The following TOP6BL variants were observed in gnomAD, a reference collection of about 807,000 sequenced individuals.
TOP6BL encodes TOP6B like initiator of meiotic double strand breaks, also known as type 2 DNA topoisomerase 6 subunit B-like.
the TOP6BL span, among the ~76,000 whole-genome samples, chr11:66,795,288 C>T: frequency 7.4e-4 from 111 of 150,874 alleles, no homozygotes; most frequent in Non-Finnish European, 1.5e-3. Context: ...GTATAATATA[C>T]ACTTTCTTTC....
chr11:66,771,082 C>T, the TOP6BL span, among the ~76,000 whole-genome samples: 1 of 151,648 alleles, frequency 6.6e-6, no homozygotes, highest in Non-Finnish European at 1.5e-5. Flanking sequence ...TTTCAAATTA[C>T]CTGACACTCA....
At chr11:66,786,983 G>A in the TOP6BL span, among the ~76,000 whole-genome samples, 2 of 151,418 alleles carry the variant, frequency 1.3e-5, no homozygotes, top group African/African-American at 4.9e-5. Flanking sequence ...GCCCAGGCTG[G>A]AGTGCAATGG....
At chr11:66,822,739 C>T in the TOP6BL span, 5 of 1,153,970 alleles carry the variant, frequency 4.3e-6, no homozygotes, top group Non-Finnish European at 6.3e-6. Flanking sequence ...TACGGTGGCT[C>T]ATGCCTATAA....
the TOP6BL span, chr11:66,801,087 C>A: frequency 6.2e-7 from 1 of 1,613,738 alleles, no homozygotes; most frequent in Non-Finnish European, 8.5e-7. Flanking sequence ...TTGGTCGACT[C>A]CCAGCATTAT....
the TOP6BL span, among the ~76,000 whole-genome samples, chr11:66,812,170 A>G: frequency 7.2e-6 from 1 of 139,666 alleles, no homozygotes; most frequent in African/African-American, 2.8e-5. Context: ...CTCCCCTCTT[A>G]TTCTGAGTTT....
At chr11:66,764,457 C>T in the TOP6BL span, among the ~76,000 whole-genome samples, 1 of 149,088 alleles carries the variant, frequency 6.7e-6, no homozygotes, top group Non-Finnish European at 1.5e-5. Flanking sequence ...TTTAAACCAG[C>T]CTGGTCAACA....
the TOP6BL span, among the ~76,000 whole-genome samples, chr11:66,838,115 G>A: frequency 6.6e-6 from 1 of 152,338 alleles, no homozygotes; most frequent in African/African-American, 2.4e-5. Flanking sequence ...GAATGGGCAG[G>A]CAGTAGCCAA....
the TOP6BL span, among the ~76,000 whole-genome samples, chr11:66,775,112 C>CAAAAA: frequency 3.4e-5 from 2 of 57,982 alleles, no homozygotes; most frequent in African/African-American, 1.6e-4. Context: ...GACTCTGTCT[C>CAAAAA]AAAAAAAAAA....
chr11:66,808,224 T>C, the TOP6BL span, among the ~76,000 whole-genome samples: 3,083 of 152,278 alleles, frequency 0.02, 37 homozygotes, highest in Non-Finnish European at 0.034. Context: ...ACTGGTGATA[T>C]CAGATATTGA....
chr11:66,761,615 G>GT, the TOP6BL span: 1 of 1,197,702 alleles, frequency 8.3e-7, no homozygotes, highest in Non-Finnish European at 1.2e-6. Flanking sequence ...TTCAAGAAAA[G>GT]TAATGTACGC....
chr11:66,843,321 C>G, the TOP6BL span: 11 of 1,527,472 alleles, frequency 7.2e-6, no homozygotes, highest in South Asian at 1.2e-5. Context: ...CGCGCGCTCA[C>G]CAAGTCCTCT....
At chr11:66,781,527 A>G in the TOP6BL span, among the ~76,000 whole-genome samples, 1 of 152,036 alleles carries the variant, frequency 6.6e-6, no homozygotes, top group East Asian at 1.9e-4. Flanking sequence ...TCTGTACCAT[A>G]TCAGGTTCTG....
At chr11:66,843,368 G>A in the TOP6BL span, 1 of 1,442,858 alleles carries the variant, frequency 6.9e-7, no homozygotes, top group Non-Finnish European at 9.0e-7. Flanking sequence ...GGGCGGGGCG[G>A]GGCGGGGCGT....
At chr11:66,747,106 T>C in the TOP6BL span, among the ~76,000 whole-genome samples, 2 of 151,778 alleles carry the variant, frequency 1.3e-5, no homozygotes, top group South Asian at 4.2e-4. Context: ...CCGGCTAATT[T>C]TTGTATTTTT....
At chr11:66,825,076 C>A in the TOP6BL span, among the ~76,000 whole-genome samples, 1 of 151,752 alleles carries the variant, frequency 6.6e-6, no homozygotes, top group East Asian at 2.0e-4. Flanking sequence ...GTTGGTCAGG[C>A]TGGTCTCAAA....
the TOP6BL span, among the ~76,000 whole-genome samples, chr11:66,773,746 C>CT: frequency 6.6e-6 from 1 of 151,662 alleles, no homozygotes; most frequent in Non-Finnish European, 1.5e-5. Flanking sequence ...TTTCTTTTTT[C>CT]TTTTTTTTGA....
chr11:66,795,626 T>TA, the TOP6BL span, among the ~76,000 whole-genome samples: 1 of 152,002 alleles, frequency 6.6e-6, no homozygotes, highest in South Asian at 2.1e-4. Context: ...TATGGATCCT[T>TA]AAAACAGTTC....
chr11:66,800,770 C>A, the TOP6BL span: 1 of 1,312,664 alleles, frequency 7.6e-7, no homozygotes. Flanking sequence ...TGTCCTATTT[C>A]CAAAAGGTTC....
At chr11:66,745,252 G>T in the TOP6BL span, among the ~76,000 whole-genome samples, 1 of 151,008 alleles carries the variant, frequency 6.6e-6, no homozygotes, top group Non-Finnish European at 1.5e-5. Flanking sequence ...TGCACCGGGT[G>T]CTGGGAGGGG....
Sources: gnomAD v4.1 joint callset for allele counts (sites outside exome capture counted in the v4.1 genomes callset) on GRCh38, gnomAD v4.1.1 for gene constraint, MANE v1.5 for transcripts, NCBI Gene and HGNC (gene_info 2026-07-23, HGNC 2026-07-21) for gene names.